The following PDE4D variants were observed in gnomAD, a reference collection of about 807,000 sequenced individuals.
PDE4D encodes the protein 3',5'-cyclic-AMP phosphodiesterase 4D.
PDE4D carries 24 observed loss-of-function variants against 87.4 expected under a neutral mutation model. That is an observed-to-expected ratio of 0.27 (90% CI 0.20 to 0.39). The LOEUF (loss-of-function observed/expected upper bound fraction) is 0.39, where lower values mean the gene tolerates loss of function less well. Ranked by LOEUF, PDE4D falls within the 10% of genes least tolerant of loss-of-function variation. PDE4D has a pLI of 1.00. For synonymous variants in PDE4D, 384 were observed against 383.2 expected (o/e 1.00, Z -0.02); for missense variants, 714 against 1,041.0 (o/e 0.69, Z 4.32).
intron 1 of PDE4D, among the ~76,000 whole-genome samples, chr5:60,333,561 A>G (rs1757487842): frequency 1.3e-5 from 2 of 152,132 alleles, no homozygotes; most frequent in Admixed American, 6.5e-5. Context: ...TATGGTTCCA[A>G]CTCTGTGTCT....
intron 2 of PDE4D, among the ~76,000 whole-genome samples, chr5:60,163,171 G>T (rs1782604599): frequency 6.6e-6 from 1 of 152,248 alleles, no homozygotes; most frequent in East Asian, 1.9e-4. Context: ...TAGCTATGTT[G>T]TTTCATAAAC....
chr5:59,253,323 T>G lies in PDE4D; in HGVS notation c.456-37355A>C, dbSNP rs115783344. 5.2e-3 allele frequency among the ~76,000 whole-genome samples: 790 copies of G among 152,296 alleles called. 8 individuals are homozygous for G. Among genetic ancestry groups the G allele is most frequent in the African/African-American group, 0.017 (692 of 41,586 alleles). On this transcript the variant is annotated intron_variant, in intron 1 of 14. Coordinates refer to ENST00000340635, the MANE Select transcript of PDE4D (RefSeq NM_001104631.2). Reference sequence around the variant, plus strand: ...GAATACATTTTATGATTAACATATCTTTATATATAAACAAAATAAAATATG... The same window carrying G: ...GAATACATTTTATGATTAACATATCGTTATATATAAACAAAATAAAATATG...
At chr5:60,054,751 C>T (rs1029343907) in intron 2 of PDE4D, among the ~76,000 whole-genome samples, 4 of 152,110 alleles carry the variant, frequency 2.6e-5, no homozygotes, top group African/African-American at 9.6e-5. Context: ...AGTATTCTCT[C>T]CTAAATAAGC....
chr5:60,382,762 G>A (rs891084442), intron 1 of PDE4D, among the ~76,000 whole-genome samples: 1 of 152,148 alleles, frequency 6.6e-6, no homozygotes, highest in African/African-American at 2.4e-5. Flanking sequence ...TTGTGTGAGA[G>A]AATACATGTT....
chr5:59,932,283 A>G (rs1387290820), intron 3 of PDE4D, among the ~76,000 whole-genome samples: 2 of 152,190 alleles, frequency 1.3e-5, no homozygotes, highest in Non-Finnish European at 2.9e-5. Flanking sequence ...CCAACAAAGA[A>G]ATAAACATGT....
intron 1 of PDE4D, among the ~76,000 whole-genome samples, chr5:59,736,019 A>G (rs538422950): frequency 6.6e-6 from 1 of 152,068 alleles, no homozygotes; most frequent in Non-Finnish European, 1.5e-5. Flanking sequence ...AAAACAAAAG[A>G]CTAGAAATAG....
chr5:59,119,544 C>A (rs76964615), intron 5 of PDE4D, among the ~76,000 whole-genome samples: 1 of 152,146 alleles, frequency 6.6e-6, no homozygotes, highest in Non-Finnish European at 1.5e-5. Flanking sequence ...TTCTACCCTA[C>A]GTATAACTTG....
chr5:59,319,483 A>T (rs952293861), intron 1 of PDE4D, among the ~76,000 whole-genome samples: 2 of 152,116 alleles, frequency 1.3e-5, no homozygotes, highest in Admixed American at 6.6e-5. Context: ...CACAGTCTGC[A>T]GACTTTGGCT....
At chr5:59,817,518 A>G (rs1769110420) in intron 1 of PDE4D, among the ~76,000 whole-genome samples, 1 of 152,180 alleles carries the variant, frequency 6.6e-6, no homozygotes. Flanking sequence ...CATATGTTGA[A>G]GTGTTGATAT....
At chr5:59,139,035 G>A (rs1332165250) in intron 5 of PDE4D, among the ~76,000 whole-genome samples, 1 of 152,136 alleles carries the variant, frequency 6.6e-6, no homozygotes, top group East Asian at 1.9e-4. Flanking sequence ...CAGGGAGACT[G>A]AACAATATAC....
intron 1 of PDE4D, among the ~76,000 whole-genome samples, chr5:60,202,071 G>C (rs554186795): frequency 6.6e-6 from 1 of 152,156 alleles, no homozygotes; most frequent in Non-Finnish European, 1.5e-5. Context: ...ATATGTGAAC[G>C]TTTTATTTCT....
intron 1 of PDE4D, among the ~76,000 whole-genome samples, chr5:60,266,283 T>C (rs1750198827): frequency 6.6e-6 from 1 of 152,154 alleles, no homozygotes; most frequent in Non-Finnish European, 1.5e-5. Context: ...CAGCAGGATA[T>C]TGGAAAGCCC....
At chr5:60,006,312 A>G (rs993320099) in intron 2 of PDE4D, among the ~76,000 whole-genome samples, 3 of 151,744 alleles carry the variant, frequency 2.0e-5, no homozygotes, top group Non-Finnish European at 4.4e-5. Flanking sequence ...CCAACCAATT[A>G]CTATTCTCTG....
intron 1 of PDE4D, among the ~76,000 whole-genome samples, chr5:60,213,408 G>A (rs985500827): frequency 3.9e-5 from 6 of 152,122 alleles, no homozygotes; most frequent in African/African-American, 1.4e-4. Context: ...CTGTTCCCAG[G>A]ATTTCCATCA....
At chr5:59,310,371 G>A (rs568271165) in intron 1 of PDE4D, among the ~76,000 whole-genome samples, 1 of 152,136 alleles carries the variant, frequency 6.6e-6, no homozygotes, top group East Asian at 1.9e-4. Flanking sequence ...TTAATATTGG[G>A]AAGACTCTGT....
chr5:60,481,749 A>C (rs1748746755), intron 1 of PDE4D, among the ~76,000 whole-genome samples: 1 of 152,182 alleles, frequency 6.6e-6, no homozygotes, highest in Non-Finnish European at 1.5e-5. Context: ...ATATCCCAGG[A>C]CTACTTTTTC....
chr5:60,333,585 G>A (rs899558401), intron 1 of PDE4D, among the ~76,000 whole-genome samples: 28 of 152,158 alleles, frequency 1.8e-4, no homozygotes, highest in African/African-American at 6.3e-4. Flanking sequence ...TAACTAATGT[G>A]TGGCCTGAAC....
intron 1 of PDE4D, among the ~76,000 whole-genome samples, chr5:59,358,169 A>C (rs1169341964): frequency 6.6e-6 from 1 of 152,238 alleles, no homozygotes; most frequent in Non-Finnish European, 1.5e-5. Flanking sequence ...GGGGTTCTTA[A>C]GAATGCTACA....
intron 5 of PDE4D, among the ~76,000 whole-genome samples, chr5:59,146,350 C>T (rs1407873272): frequency 1.3e-5 from 2 of 152,074 alleles, no homozygotes. Context: ...TTACATAATA[C>T]ACAAGAAGCT....
Sources: allele counts gnomAD v4.1 joint callset (sites outside exome capture counted in the v4.1 genomes callset), GRCh38; gene constraint gnomAD v4.1.1; transcripts MANE v1.5; gene names NCBI Gene and HGNC (gene_info 2026-07-23, HGNC 2026-07-21).